NRXN3: variants seen among roughly 807,000 people sequenced by gnomAD.
NRXN3 encodes neurexin III.
In NRXN3, 32 loss-of-function variants were observed where a neutral mutation model predicts 137.6. The ratio of observed to expected loss-of-function variants is 0.23; its 90% confidence interval spans 0.18 to 0.31. The LOEUF is 0.31. Among genes scored for constraint, NRXN3 ranks in the 10% least tolerant of loss-of-function variants. The pLI, the probability that NRXN3 is intolerant of heterozygous loss-of-function variation, is 1.00. For missense variants in NRXN3, 1,574 were observed against 2,062.5 expected, an observed-to-expected ratio of 0.76 and a Z score of 4.59; for synonymous variants, 798 against 784.5, an observed-to-expected ratio of 1.02 and a Z score of -0.29.
rs550891816 is a variant in NRXN3 at position 79,413,662 on chromosome 14, C to T, written c.3263-53559C>T. Among the ~76,000 whole-genome samples, 4 of 152,116 alleles carry T rather than the reference C, an allele frequency of 2.6e-5. No homozygotes were observed. The South Asian group carries it at 6.2e-4, about 24-fold the overall frequency. ...ACATAGAGGGTACAACAGATCTTGA[C>T]CTGCAGGTGTTCAAAAATCGACTCA... is the stretch of plus-strand genomic sequence containing the variant. On this transcript the variant is annotated intron_variant, in intron 15 of 20. Coordinates refer to ENST00000335750, the MANE Select transcript of NRXN3 (RefSeq NM_001330195.2).
intron 15 of NRXN3, among the ~76,000 whole-genome samples, chr14:78,991,235 A>G (rs556352082): frequency 4.6e-5 from 7 of 152,318 alleles, no homozygotes; most frequent in Admixed American, 1.3e-4. Context: ...GGTCATCAGC[A>G]ATTGCTTTGG....
intron 15 of NRXN3, among the ~76,000 whole-genome samples, chr14:79,147,044 G>A (rs1303297910): frequency 6.6e-6 from 1 of 151,866 alleles, no homozygotes; most frequent in African/African-American, 2.4e-5. Flanking sequence ...GTATGAGGGG[G>A]ATGAAAAAGA....
At chr14:78,527,068 A>C (rs1840374445) in intron 4 of NRXN3, among the ~76,000 whole-genome samples, 1 of 152,190 alleles carries the variant, frequency 6.6e-6, no homozygotes, top group Non-Finnish European at 1.5e-5. Context: ...AGTTTGAGTA[A>C]AGGCTTTATT....
At chr14:78,201,773 G>A (rs2061699877) in intron 1 of NRXN3, among the ~76,000 whole-genome samples, 1 of 152,208 alleles carries the variant, frequency 6.6e-6, no homozygotes, top group African/African-American at 2.4e-5. Context: ...CCACGGGCTG[G>A]TGAGACAGAG....
intron 16 of NRXN3, among the ~76,000 whole-genome samples, chr14:79,618,845 C>A (rs993698298): frequency 6.6e-6 from 1 of 152,034 alleles, no homozygotes. Context: ...CCTCTGCAAC[C>A]TTTCCAACAT....
intron 1 of NRXN3, among the ~76,000 whole-genome samples, chr14:78,216,828 G>A (rs147065006): frequency 6.6e-6 from 1 of 152,208 alleles, no homozygotes; most frequent in East Asian, 1.9e-4. Context: ...TCGGCTTCTG[G>A]TGTTACCGGC....
At chr14:79,660,152 T>C (rs181400337) in intron 16 of NRXN3, among the ~76,000 whole-genome samples, 2 of 152,150 alleles carry the variant, frequency 1.3e-5, no homozygotes, top group African/African-American at 2.4e-5. Flanking sequence ...TCTAGACACA[T>C]GAGCCAGCGG....
intron 4 of NRXN3, among the ~76,000 whole-genome samples, chr14:78,586,817 G>A (rs566908545): frequency 1.3e-5 from 2 of 152,260 alleles, no homozygotes; most frequent in East Asian, 3.9e-4. Flanking sequence ...TTGAGCAAAC[G>A]GCAAATCCAT....
In NRXN3 at chr14:78,183,275, C is replaced by T. The variant is rs549063218; in HGVS notation, c.-704+12601C>T. ...TACCCTCCATTGCCTTTTTTCTCTC[C>T]TCTTCCCTTTCATCCCTAGTTGCTA... On this transcript the variant is annotated intron_variant, in intron 1 of 20. Transcript: ENST00000335750. Among the ~76,000 whole-genome samples, 254 of 152,202 alleles carry T rather than the reference C, an allele frequency of 1.7e-3. 1 individual carries two copies. The highest frequency in any genetic ancestry group is 3.2e-3 in the Admixed American group (49 of 15,290).
intron 10 of NRXN3, among the ~76,000 whole-genome samples, chr14:78,936,993 G>A (rs1337668454): frequency 6.6e-6 from 1 of 151,934 alleles, no homozygotes; most frequent in Non-Finnish European, 1.5e-5. Flanking sequence ...GGCTGAGGTG[G>A]GTGGATGACC....
At chr14:79,132,864 C>T (rs1385134950) in intron 15 of NRXN3, among the ~76,000 whole-genome samples, 1 of 152,226 alleles carries the variant, frequency 6.6e-6, no homozygotes, top group Non-Finnish European at 1.5e-5. Context: ...GCTCAGCTAA[C>T]CCCACGAGGA....
chr14:78,408,006 A>G (rs1193522556), intron 4 of NRXN3, among the ~76,000 whole-genome samples: 1 of 152,202 alleles, frequency 6.6e-6, no homozygotes, highest in Non-Finnish European at 1.5e-5. Context: ...TTCTACTTAT[A>G]TGGGATAGAC....
intron 15 of NRXN3, among the ~76,000 whole-genome samples, chr14:79,290,463 C>CTT (rs2082987995): frequency 6.6e-6 from 1 of 152,098 alleles, no homozygotes; most frequent in African/African-American, 2.4e-5. Flanking sequence ...GAGACTCAAA[C>CTT]AAGTAGGAGA....
intron 8 of NRXN3, among the ~76,000 whole-genome samples, chr14:78,785,138 C>CT (rs556924854): frequency 7.9e-4 from 121 of 152,250 alleles, no homozygotes; most frequent in African/African-American, 2.8e-3. Context: ...ACAGAGATAG[C>CT]TTTTGCTAGT....
intron 15 of NRXN3, chr14:79,199,848 GATGACTGTGGA>G (rs900235026): frequency 4.6e-5 from 7 of 152,202 alleles, no homozygotes; most frequent in Non-Finnish European, 8.8e-5. Context: ...TCAAATGGCA[GATGACTGTGGA>G]AAAATAATTT....
At chr14:79,342,936 A>C (rs778349120) in intron 15 of NRXN3, among the ~76,000 whole-genome samples, 1 of 152,070 alleles carries the variant, frequency 6.6e-6, no homozygotes, top group African/African-American at 2.4e-5. Context: ...TGGGGATCAG[A>C]GTTTTTCAAG....
intron 4 of NRXN3, among the ~76,000 whole-genome samples, chr14:78,474,646 G>A (rs2095346705): frequency 6.6e-6 from 1 of 152,158 alleles, no homozygotes; most frequent in Non-Finnish European, 1.5e-5. Context: ...TATCAGGAAG[G>A]AATTGATAGT....
intron 16 of NRXN3, among the ~76,000 whole-genome samples, chr14:79,516,764 A>T (rs1279893719): frequency 6.6e-6 from 1 of 152,206 alleles, no homozygotes; most frequent in African/African-American, 2.4e-5. Context: ...CATACTGTAT[A>T]TATAATTCTG....
intron 16 of NRXN3, among the ~76,000 whole-genome samples, chr14:79,663,170 A>T (rs558249154): frequency 6.6e-6 from 1 of 152,068 alleles, no homozygotes; most frequent in Non-Finnish European, 1.5e-5. Flanking sequence ...GGTGAGTTTC[A>T]TTGGCCTCTA....
Sources: gnomAD v4.1 joint callset for allele counts (sites outside exome capture counted in the v4.1 genomes callset) on GRCh38, gnomAD v4.1.1 for gene constraint, MANE v1.5 for transcripts, NCBI Gene and HGNC (gene_info 2026-07-23, HGNC 2026-07-21) for gene names.